The following KAZN variants were observed in gnomAD, a reference collection of about 807,000 sequenced individuals.
The protein encoded by KAZN is kazrin.
KAZN carries 40 observed loss-of-function variants against 87.4 expected under a neutral mutation model. That is an observed-to-expected ratio of 0.46 (90% CI 0.36 to 0.60). KAZN has a LOEUF of 0.60. Ranked by LOEUF, KAZN falls within the 20% of genes least tolerant of loss-of-function variation. The probability of loss-of-function intolerance (pLI) is 0.00; values close to 1 mark genes in which losing one functional copy is unlikely to be tolerated. For synonymous variants in KAZN, 466 were observed against 458.3 expected (o/e 1.02, Z -0.22); for missense variants, 898 against 1,073.9 (o/e 0.84, Z 2.29).
chr1:13,955,949 A>T (rs528172382), intron 1 of KAZN, among the ~76,000 whole-genome samples: 2 of 152,256 alleles, frequency 1.3e-5, no homozygotes, highest in East Asian at 3.9e-4. Flanking sequence ...CATTCTAAGA[A>T]ACGTCCTTCT....
chr1:15,073,206 A>C (rs1390410365), intron 8 of KAZN, among the ~76,000 whole-genome samples: 1 of 152,218 alleles, frequency 6.6e-6, no homozygotes, highest in Non-Finnish European at 1.5e-5. Flanking sequence ...TTTGAGAAGC[A>C]CAAGGAGATC....
intron 2 of KAZN, among the ~76,000 whole-genome samples, chr1:14,419,043 A>G (rs774934518): frequency 1.6e-4 from 24 of 152,220 alleles, no homozygotes; most frequent in Non-Finnish European, 3.2e-4. Flanking sequence ...GAAAAATACA[A>G]GGATGCTATA....
chr1:13,993,549 T>A (rs1201000654), intron 1 of KAZN, among the ~76,000 whole-genome samples: 1 of 152,234 alleles, frequency 6.6e-6, no homozygotes, highest in Non-Finnish European at 1.5e-5. Flanking sequence ...TTTAGTCATT[T>A]GTTGAACTGA....
intron 1 of KAZN, among the ~76,000 whole-genome samples, chr1:14,614,321 C>A (rs1180292808): frequency 2.0e-5 from 3 of 152,232 alleles, no homozygotes; most frequent in African/African-American, 7.2e-5. Flanking sequence ...TATAGTAAGC[C>A]TTCCTTTTAA....
At chr1:15,047,037 T>C (rs61772194) in intron 4 of KAZN, among the ~76,000 whole-genome samples, 20,100 of 152,230 alleles carry the variant, frequency 0.13, 1,447 homozygotes, top group African/African-American at 0.21. Flanking sequence ...GTTTCCGCTC[T>C]GGCCAAGAAA....
chr1:14,627,030 A>G (rs544109326), intron 1 of KAZN, among the ~76,000 whole-genome samples: 9 of 151,998 alleles, frequency 5.9e-5, no homozygotes, highest in Admixed American at 5.9e-4. Context: ...AGCACCTACT[A>G]TGTTCCAGCC....
At chr1:14,236,727 G>A (rs557253980) in intron 2 of KAZN, among the ~76,000 whole-genome samples, 2 of 152,190 alleles carry the variant, frequency 1.3e-5, no homozygotes, top group South Asian at 4.2e-4. Flanking sequence ...AGACCAGCCT[G>A]GGCAACATGG....
Position 14,260,460 on chromosome 1 carries a change from G to T in KAZN, c.249+79868G>T, listed in dbSNP as rs6667451. Among the ~76,000 whole-genome samples, 2 of 152,038 alleles carry T rather than the reference G, an allele frequency of 1.3e-5. 1 individual carries two copies. The highest frequency in any genetic ancestry group is 2.9e-5 in the Non-Finnish European group (2 of 68,022). On this transcript the variant is annotated intron_variant, in intron 2 of 16. Coordinates refer to the KAZN transcript ENST00000636203. ...CAAAGGCCCTGGGACAGAGCATTTCGATGACCCGCATGGCTGGAGCAGGGT... is the reference window on the plus strand; with the variant it reads ...CAAAGGCCCTGGGACAGAGCATTTCTATGACCCGCATGGCTGGAGCAGGGT...
chr1:14,582,937 G>A (rs1425751838), intron 2 of KAZN, among the ~76,000 whole-genome samples: 1 of 152,124 alleles, frequency 6.6e-6, no homozygotes, highest in Non-Finnish European at 1.5e-5. Context: ...CACCGTTAGG[G>A]CAGAGACTGG....
At chr1:13,946,477 C>T (rs151180760) in intron 1 of KAZN, among the ~76,000 whole-genome samples, 16 of 152,078 alleles carry the variant, frequency 1.1e-4, no homozygotes, top group Admixed American at 3.9e-4. Flanking sequence ...AGAAGTCTGC[C>T]GACACCGTGA....
intron 2 of KAZN, among the ~76,000 whole-genome samples, chr1:14,590,147 T>G (rs1443605303): frequency 6.6e-6 from 1 of 151,980 alleles, no homozygotes; most frequent in East Asian, 1.9e-4. Flanking sequence ...AGAATAGAGA[T>G]CACAGGAATA....
intron 2 of KAZN, among the ~76,000 whole-genome samples, chr1:14,398,331 C>G (rs935496794): frequency 2.6e-5 from 4 of 152,192 alleles, no homozygotes; most frequent in African/African-American, 7.2e-5. Flanking sequence ...ATCCTGGCTC[C>G]GCCACTTACT....
At chr1:15,046,650 G>A (rs2100374176) in intron 4 of KAZN, among the ~76,000 whole-genome samples, 1 of 152,308 alleles carries the variant, frequency 6.6e-6, no homozygotes, top group African/African-American at 2.4e-5. Flanking sequence ...TAAGGGCCAG[G>A]CCCCAGGACA....
At chr1:14,909,601 T>C (rs1657012480) in intron 1 of KAZN, among the ~76,000 whole-genome samples, 1 of 152,190 alleles carries the variant, frequency 6.6e-6, no homozygotes, top group South Asian at 2.1e-4. Flanking sequence ...AATAACACTC[T>C]TGCCCCAGAG....
At chr1:14,694,380 T>C (rs895029518) in intron 1 of KAZN, among the ~76,000 whole-genome samples, 1 of 152,242 alleles carries the variant, frequency 6.6e-6, no homozygotes, top group Non-Finnish European at 1.5e-5. Flanking sequence ...GAGGGTAAGG[T>C]AGTCAGGCAT....
chr1:13,995,014 G>T (rs1176868539), intron 1 of KAZN, among the ~76,000 whole-genome samples: 1 of 152,164 alleles, frequency 6.6e-6, no homozygotes, highest in African/African-American at 2.4e-5. Flanking sequence ...AGGAGGAAGT[G>T]ACATGATTAA....
intron 2 of KAZN, among the ~76,000 whole-genome samples, chr1:14,233,728 A>G (rs1486828481): frequency 6.6e-6 from 1 of 152,218 alleles, no homozygotes; most frequent in East Asian, 1.9e-4. Context: ...ACTGGTCAGA[A>G]AACCTCCACA....
At chr1:14,167,183 A>G (rs1405492352) in intron 1 of KAZN, among the ~76,000 whole-genome samples, 1 of 152,222 alleles carries the variant, frequency 6.6e-6, no homozygotes, top group Non-Finnish European at 1.5e-5. Flanking sequence ...ATGCCCATGT[A>G]TTATCGTCAA....
chr1:14,827,044 A>G (rs2100855085), intron 1 of KAZN, among the ~76,000 whole-genome samples: 1 of 152,242 alleles, frequency 6.6e-6, no homozygotes. Flanking sequence ...GATGTGCGGG[A>G]GGCTGCGCAC....
Sources: allele counts gnomAD v4.1 joint callset (sites outside exome capture counted in the v4.1 genomes callset), GRCh38; gene constraint gnomAD v4.1.1; transcripts MANE v1.5; gene names NCBI Gene and HGNC (gene_info 2026-07-23, HGNC 2026-07-21).